RAB6B: variants seen among roughly 807,000 people sequenced by gnomAD.
RAB6B encodes the protein RAB6B, member RAS oncogene family.
A neutral mutation model predicts 31.2 loss-of-function variants in RAB6B; 7 were observed. The observed-to-expected ratio is 0.22, with a 90% confidence interval of 0.13 to 0.42. The LOEUF is 0.42. RAB6B is among the 10% of genes least tolerant of loss of function. RAB6B has a pLI of 1.00. For synonymous variants in RAB6B, 105 were observed against 104.9 expected (o/e 1.00, Z -0.01); for missense variants, 149 against 280.6 (o/e 0.53, Z 3.35).
At chr3:133,892,267 A>G (rs887315915) in intron 1 of RAB6B, among the ~76,000 whole-genome samples, 2 of 152,132 alleles carry the variant, frequency 1.3e-5, no homozygotes, top group Non-Finnish European at 2.9e-5. Context: ...CCTCCCTGCC[A>G]CAAGGAAATC....
rs753334867 is a variant in RAB6B, at chr3:133,827,948, T to C, written c.*840A>G. 5.7e-6 allele frequency: 4 copies of C among 702,952 alleles called. No individual in the cohort carries two copies. The South Asian group carries it at 5.9e-5, about 10-fold the overall frequency. The allele number at this position is 702,952 out of a possible 1,614,324, so 43.5% of individuals were successfully genotyped here. On this transcript the variant is annotated 3_prime_UTR_variant, in exon 8 of 8. Transcript: ENST00000285208. ...GAAGTACACATGGCACCCCAGTCTA[T>C]AAACCACGCACCACGCAGCTGCAAT...
At chr3:133,832,624 C>T (rs1295709665) in intron 7 of RAB6B, among the ~76,000 whole-genome samples, 2 of 152,220 alleles carry the variant, frequency 1.3e-5, no homozygotes, top group African/African-American at 4.8e-5. Context: ...CCGAAAGAAG[C>T]AGAATGACGG....
chr3:133,864,766 A>G, intron 1 of RAB6B, 124 bp from the exon 2 acceptor site: 1 of 943,470 alleles, frequency 1.1e-6, no homozygotes, highest in Non-Finnish European at 1.7e-6. Flanking sequence ...AGTTGCAGAA[A>G]TACAGAAGTG....
chr3:133,886,105 C>T (rs1038035520), intron 1 of RAB6B, among the ~76,000 whole-genome samples: 33 of 152,266 alleles, frequency 2.2e-4, no homozygotes, highest in Admixed American at 2.0e-3. Flanking sequence ...TCCACCCGCA[C>T]CAGAATCCCA....
chr3:133,840,542 C>T lies in RAB6B; in HGVS notation c.289+743G>A, dbSNP rs541697439. 7.2e-5 allele frequency among the ~76,000 whole-genome samples: 11 copies of T among 152,306 alleles called. No individual in the cohort carries two copies. The South Asian group carries it at 2.1e-3, about 29-fold the overall frequency. On this transcript the variant is annotated intron_variant, in intron 4 of 7. Transcript: ENST00000285208. ...AGAGCCAGGGCAGCAGGCTGGGTGG[C>T]GGGGGCATGCACCAGCGCGGGGACA...
intron 1 of RAB6B, among the ~76,000 whole-genome samples, chr3:133,889,226 CAG>C (rs1472624382): frequency 2.0e-5 from 3 of 151,650 alleles, no homozygotes; most frequent in Non-Finnish European, 4.4e-5. Context: ...GTGGGGAGGA[CAG>C]GGGAAATCTG....
intron 2 of RAB6B, among the ~76,000 whole-genome samples, chr3:133,845,872 A>C (rs1331837371): frequency 6.6e-6 from 1 of 152,204 alleles, no homozygotes; most frequent in African/African-American, 2.4e-5. Context: ...AATAGGTAAA[A>C]AAAAAAATTA....
At position 133,847,185 on chromosome 3, in the gene RAB6B, A is replaced by T. The variant is rs376435512; in HGVS notation, c.130-5522T>A. On this transcript the variant is annotated intron_variant, in intron 2 of 7. Coordinates refer to ENST00000285208, the MANE Select transcript of RAB6B (RefSeq NM_016577.4). ...CATTACTTAATTTAATCTGGACAAT[A>T]AATCTATGTGATGAGTTAGGCTCTT... Among the ~76,000 whole-genome samples the T allele has an allele frequency of 5.7e-4, 87 of 152,366 alleles. 4 individuals carry two copies. The highest frequency in any genetic ancestry group is 2.0e-3 in the African/African-American group (85 of 41,590).
Position 133,839,523 on chromosome 3 carries a change from C to T in RAB6B, c.384G>A (p.Thr128=), listed in dbSNP as rs1007369784. The change falls in exon 5 of 8, where the codon ACG becomes ACA. Residue 128 remains threonine, a synonymous_variant. Transcript: ENST00000285208. ...DVIIMLVGNK[T]DLADKRQITI... is the part of the protein sequence containing the mutation. ...GCACCTACCTCTTATCAGCCAGGTCCGTCTTGTTGCCCACCAGCATGATGA... is the reference window on the plus strand; with the variant it reads ...GCACCTACCTCTTATCAGCCAGGTCTGTCTTGTTGCCCACCAGCATGATGA... 16 of 1,613,862 alleles carry T rather than the reference C, an allele frequency of 9.9e-6. 1 individual carries two copies. Among genetic ancestry groups the T allele is most frequent in the South Asian group, 3.3e-5 (3 of 91,086 alleles).
intron 1 of RAB6B, among the ~76,000 whole-genome samples, chr3:133,889,727 A>C (rs894828372): frequency 4.6e-5 from 7 of 152,086 alleles, no homozygotes; most frequent in African/African-American, 7.2e-5. Context: ...TACAGGCGTA[A>C]GCCACCACGC....
intron 1 of RAB6B, among the ~76,000 whole-genome samples, chr3:133,891,535 C>G (rs2108017960): frequency 6.6e-6 from 1 of 152,326 alleles, no homozygotes; most frequent in Non-Finnish European, 1.5e-5. Flanking sequence ...GTTCTTCTCT[C>G]ATCATGGCTC....
intron 1 of RAB6B, among the ~76,000 whole-genome samples, chr3:133,874,955 G>A (rs768636809): frequency 6.6e-6 from 1 of 152,056 alleles, no homozygotes; most frequent in Non-Finnish European, 1.5e-5. Context: ...TAACACACAC[G>A]GCGCTGTCAT....
intron 2 of RAB6B, among the ~76,000 whole-genome samples, chr3:133,863,195 T>C (rs1219952176): frequency 6.6e-6 from 1 of 152,202 alleles, no homozygotes; most frequent in Non-Finnish European, 1.5e-5. Flanking sequence ...TGTCAATTCC[T>C]ATGGTCAGTT....
At chr3:133,861,673 CAT>C (rs1408312099) in intron 2 of RAB6B, among the ~76,000 whole-genome samples, 4 of 152,244 alleles carry the variant, frequency 2.6e-5, no homozygotes, top group Non-Finnish European at 1.5e-5. Flanking sequence ...CCTCTCCAAA[CAT>C]AGAGTAGGCA....
Position 133,845,219 on chromosome 3 carries a change from A to G in RAB6B, c.130-3556T>C, listed in dbSNP as rs139914394. On this transcript the variant is annotated intron_variant, in intron 2 of 7. Coordinates refer to ENST00000285208, the MANE Select transcript of RAB6B (RefSeq NM_016577.4). ...TCTGAATGTGTCCCCTGTAACCTCA[A>G]CTTCAAATGCTGAAACTTAATCCTC... 1.1e-4 allele frequency among the ~76,000 whole-genome samples: 16 copies of G among 152,356 alleles called. No individual in the cohort carries two copies. In the East Asian group the frequency reaches 3.1e-3, roughly 29 times the overall value.
At chr3:133,886,413 C>T (rs1254235525) in intron 1 of RAB6B, among the ~76,000 whole-genome samples, 1 of 152,206 alleles carries the variant, frequency 6.6e-6, no homozygotes, top group Admixed American at 6.5e-5. Context: ...AAGCCTCTGC[C>T]CTTATACTCC....
At chr3:133,840,140 G>T (rs1020842641) in intron 4 of RAB6B, among the ~76,000 whole-genome samples, 1 of 152,090 alleles carries the variant, frequency 6.6e-6, no homozygotes, top group African/African-American at 2.4e-5. Flanking sequence ...GAAGGCCAGA[G>T]GGGTTTCTGA....
Position 133,844,423 on chromosome 3 carries a change from T to G in RAB6B, c.130-2760A>C, listed in dbSNP as rs149344119. Among the ~76,000 whole-genome samples the G allele has an allele frequency of 4.5e-4, 68 of 152,338 alleles. 2 individuals carry two copies. The highest frequency in any genetic ancestry group is 1.5e-3 in the African/African-American group (62 of 41,576). On this transcript the variant is annotated intron_variant, in intron 2 of 7. Transcript: ENST00000285208. Reference sequence around the variant, plus strand: ...CACACTCTCCATCTGACCAGGCCACTGAGCCACTGAAGAACTTCTATAGCT... The same window carrying G: ...CACACTCTCCATCTGACCAGGCCACGGAGCCACTGAAGAACTTCTATAGCT...
chr3:133,861,906 G>GGGTGAGGTAAGCTGAATC (rs569685756), intron 2 of RAB6B, among the ~76,000 whole-genome samples: 30 of 152,288 alleles, frequency 2.0e-4, no homozygotes, highest in African/African-American at 5.8e-4. Flanking sequence ...GCACAACTTG[G>GGGTGAGGTAAGCTGAATC]GGTGAGGTAA....
Sources: allele counts gnomAD v4.1 joint callset (sites outside exome capture counted in the v4.1 genomes callset), GRCh38; gene constraint gnomAD v4.1.1; transcripts MANE v1.5; gene names NCBI Gene and HGNC (gene_info 2026-07-23, HGNC 2026-07-21).